Variants in KCNH8 observed in about 807,000 individuals in gnomAD.
KCNH8 encodes the protein potassium voltage-gated channel subfamily H member 8.
Under a neutral mutation model 103.6 loss-of-function variants are expected in KCNH8, and 70 were observed. The ratio of observed to expected loss-of-function variants is 0.68; its 90% confidence interval spans 0.56 to 0.82. The LOEUF (loss-of-function observed/expected upper bound fraction) is 0.82. Ranked by LOEUF, KCNH8 falls within the 40% of genes least tolerant of loss-of-function variation. The probability of loss-of-function intolerance (pLI) is 0.00; values close to 1 mark genes in which losing one functional copy is unlikely to be tolerated. For synonymous variants in KCNH8, 498 were observed against 489.4 expected, an observed-to-expected ratio of 1.02 and a Z score of -0.23; for missense variants, 1,217 against 1,329.9, an observed-to-expected ratio of 0.92 and a Z score of 1.32.
intron 1 of KCNH8, among the ~76,000 whole-genome samples, chr3:19,203,131 A>G (rs1281074810): frequency 6.6e-6 from 1 of 152,160 alleles, no homozygotes; most frequent in Non-Finnish European, 1.5e-5. Flanking sequence ...GATCATTACA[A>G]AAGGAGAAAC....
chr3:19,424,846 T>C (rs879764375), intron 7 of KCNH8, among the ~76,000 whole-genome samples: 4 of 152,254 alleles, frequency 2.6e-5, no homozygotes, highest in Admixed American at 2.0e-4. Context: ...TAAAAAAGTC[T>C]CTTAAAATTA....
intron 1 of KCNH8, among the ~76,000 whole-genome samples, chr3:19,150,502 A>T (rs1183050870): frequency 6.6e-6 from 1 of 152,188 alleles, no homozygotes; most frequent in Non-Finnish European, 1.5e-5. Flanking sequence ...GAATCATCCC[A>T]GCACAGCCTT....
At chr3:19,157,597 G>A (rs1420748099) in intron 1 of KCNH8, among the ~76,000 whole-genome samples, 3 of 152,042 alleles carry the variant, frequency 2.0e-5, no homozygotes, top group South Asian at 4.2e-4. Context: ...ATTAATAATG[G>A]CTAATATTTG....
intron 3 of KCNH8, among the ~76,000 whole-genome samples, chr3:19,326,511 A>G (rs554984792): frequency 8.6e-5 from 13 of 151,954 alleles, no homozygotes; most frequent in Non-Finnish European, 1.8e-4. Context: ...AGTCAGGCTT[A>G]GGTAAAATCA....
intron 3 of KCNH8, among the ~76,000 whole-genome samples, chr3:19,316,432 A>G (rs890794705): frequency 2.6e-5 from 4 of 152,036 alleles, no homozygotes; most frequent in African/African-American, 9.7e-5. Flanking sequence ...AGATTAAGGA[A>G]TAGAAGCAGG....
chr3:19,402,022 A>T (rs1024369891), intron 7 of KCNH8, among the ~76,000 whole-genome samples: 6 of 151,960 alleles, frequency 3.9e-5, no homozygotes. Context: ...CACACTTCCT[A>T]CCAAACACTC....
At chr3:19,492,367 G>T (rs1056861580) in intron 11 of KCNH8, among the ~76,000 whole-genome samples, 5 of 152,234 alleles carry the variant, frequency 3.3e-5, no homozygotes, top group African/African-American at 1.2e-4. Flanking sequence ...TGACAGATAG[G>T]AGTCTAGTTT....
chr3:19,304,575 T>C lies in KCNH8; in HGVS notation c.442+23246T>C, dbSNP rs958217715. 2.0e-5 allele frequency among the ~76,000 whole-genome samples: 3 copies of C among 152,004 alleles called. No homozygotes were observed. The East Asian group carries it at 5.8e-4, about 29-fold the overall frequency. ...AAAACTTGTGAAGATTAAAAGATAA[T>C]GATAGAATTTTTTAACAGTTGAGAG... On this transcript the variant is annotated intron_variant, in intron 3 of 15. Coordinates refer to ENST00000328405, the MANE Select transcript of KCNH8 (RefSeq NM_144633.3).
At chr3:19,204,507 T>C (rs1190454564) in intron 1 of KCNH8, among the ~76,000 whole-genome samples, 1 of 152,084 alleles carries the variant, frequency 6.6e-6, no homozygotes, top group Non-Finnish European at 1.5e-5. Context: ...TAAGTGGTTA[T>C]CAATTTTTCT....
chr3:19,425,245 T>C lies in KCNH8; in HGVS notation c.1178-12919T>C, dbSNP rs537401934. Among the ~76,000 whole-genome samples, 14 of 152,342 alleles carry C rather than the reference T, an allele frequency of 9.2e-5. No individual in the cohort carries two copies. In the East Asian group the frequency reaches 2.5e-3, roughly 27 times the overall value. Reference sequence around the variant, plus strand: ...ATTATTCATGTGCTTTGAACTGTCCTAAATGTACTTTTTCTCCATCTCTGT... The same window carrying C: ...ATTATTCATGTGCTTTGAACTGTCCCAAATGTACTTTTTCTCCATCTCTGT... On this transcript the variant is annotated intron_variant, in intron 7 of 15. Transcript: ENST00000328405.
At chr3:19,224,896 G>A (rs1381961928) in intron 1 of KCNH8, among the ~76,000 whole-genome samples, 1 of 152,044 alleles carries the variant, frequency 6.6e-6, no homozygotes, top group South Asian at 2.1e-4. Context: ...TTGTAGTAAC[G>A]ACAGACATAC....
chr3:19,184,926 T>G (rs1486921336), intron 1 of KCNH8, among the ~76,000 whole-genome samples: 1 of 151,988 alleles, frequency 6.6e-6, no homozygotes, highest in Non-Finnish European at 1.5e-5. Flanking sequence ...CATTTTGAAG[T>G]TCTTCCATGT....
At chr3:19,490,034 A>G (rs2068285286) in intron 11 of KCNH8, among the ~76,000 whole-genome samples, 1 of 152,194 alleles carries the variant, frequency 6.6e-6, no homozygotes, top group South Asian at 2.1e-4. Flanking sequence ...GATCATCCAC[A>G]AGGGCCTGCT....
intron 11 of KCNH8, among the ~76,000 whole-genome samples, chr3:19,497,786 A>C (rs1196673819): frequency 6.6e-6 from 1 of 152,150 alleles, no homozygotes; most frequent in Non-Finnish European, 1.5e-5. Context: ...CAGGTCTTCA[A>C]TATCTTCGTT....
intron 11 of KCNH8, among the ~76,000 whole-genome samples, chr3:19,480,710 T>G (rs1407141501): frequency 6.6e-6 from 1 of 152,190 alleles, no homozygotes; most frequent in Non-Finnish European, 1.5e-5. Context: ...AATAGTAGAA[T>G]GTTGAGGCCT....
At chr3:19,197,127 A>G (rs1559418158) in intron 1 of KCNH8, among the ~76,000 whole-genome samples, 1 of 152,004 alleles carries the variant, frequency 6.6e-6, no homozygotes, top group Non-Finnish European at 1.5e-5. Flanking sequence ...AAAGATTATT[A>G]TTCTGAAAAA....
chr3:19,517,619 C>T (rs1048421660), intron 14 of KCNH8, among the ~76,000 whole-genome samples: 4 of 151,812 alleles, frequency 2.6e-5, no homozygotes, highest in African/African-American at 9.7e-5. Context: ...TAGAATGGAA[C>T]GAGAGAAGAA....
intron 11 of KCNH8, among the ~76,000 whole-genome samples, chr3:19,461,407 C>G (rs1219141652): frequency 6.6e-6 from 1 of 152,158 alleles, no homozygotes; most frequent in Non-Finnish European, 1.5e-5. Context: ...AACTTGTATT[C>G]TGATGATTAC....
chr3:19,185,277 C>A (rs983507144), intron 1 of KCNH8, among the ~76,000 whole-genome samples: 1 of 151,772 alleles, frequency 6.6e-6, no homozygotes, highest in African/African-American at 2.4e-5. Flanking sequence ...GCATCCTTGC[C>A]AAAACTTTTC....
Sources: gnomAD v4.1 joint callset for allele counts (sites outside exome capture counted in the v4.1 genomes callset) on GRCh38, gnomAD v4.1.1 for gene constraint, MANE v1.5 for transcripts, NCBI Gene and HGNC (gene_info 2026-07-23, HGNC 2026-07-21) for gene names.